Variants in SYCP1 observed in about 807,000 individuals in gnomAD.
SYCP1 encodes the protein synaptonemal complex protein 1, also known as cancer/testis antigen 8.
In SYCP1, 64 loss-of-function variants were observed where a neutral mutation model predicts 153.1. The observed-to-expected ratio is 0.42, with a 90% CI of 0.34 to 0.51. SYCP1 has a LOEUF of 0.51. Ranked by LOEUF, SYCP1 falls within the 20% of genes least tolerant of loss-of-function variation. The pLI is 0.06. For missense variants in SYCP1, 997 were observed against 1,049.0 expected (o/e 0.95, Z 0.68); for synonymous variants, 384 against 341.8 (o/e 1.12, Z -1.36).
chr1:114,919,983 T>C (rs1668761242), intron 20 of SYCP1, among the ~76,000 whole-genome samples: 1 of 152,070 alleles, frequency 6.6e-6, no homozygotes, highest in Non-Finnish European at 1.5e-5. Flanking sequence ...ATTGTTTTCT[T>C]TAATTTCATT....
chr1:114,949,452 G>A (rs1259236849), intron 27 of SYCP1, among the ~76,000 whole-genome samples: 2 of 152,176 alleles, frequency 1.3e-5, no homozygotes, highest in African/African-American at 4.8e-5. Context: ...ACTTCAAGGA[G>A]ATAAACAATT....
At chr1:114,991,022 A>C (rs1414934707) in intron 30 of SYCP1, among the ~76,000 whole-genome samples, 1 of 151,982 alleles carries the variant, frequency 6.6e-6, no homozygotes, top group Non-Finnish European at 1.5e-5. Context: ...CATACAGATA[A>C]TATTAGTAAT....
chr1:114,958,929 CAAAAA>C (rs202044089), intron 27 of SYCP1, among the ~76,000 whole-genome samples: 1 of 107,418 alleles, frequency 9.3e-6, no homozygotes. Context: ...GACTCCGTCT[CAAAAA>C]AAAAAAAAAA....
At chr1:114,855,217 G>T in intron 1 of SYCP1, 199 bp downstream of exon 1, 1 of 236,724 alleles carries the variant, frequency 4.2e-6, no homozygotes, top group East Asian at 8.9e-5. Flanking sequence ...TCAGGCCAGC[G>T]TGGCAGCGGG....
At chr1:114,945,783 A>G (rs937656868) in intron 25 of SYCP1, among the ~76,000 whole-genome samples, 2 of 111,708 alleles carry the variant, frequency 1.8e-5, no homozygotes, top group African/African-American at 2.7e-5. Context: ...TTTTGATGTA[A>G]TAATTTTTTT....
At chr1:114,936,477 C>T (rs1237890767) in intron 23 of SYCP1, among the ~76,000 whole-genome samples, 1 of 152,176 alleles carries the variant, frequency 6.6e-6, no homozygotes, top group African/African-American at 2.4e-5. Context: ...GAAGCATTCC[C>T]TTTGAAAACA....
rs776921532 is a variant in SYCP1, at chr1:114,911,522, C to T, written c.1469C>T (p.Thr490Ile). 9 of 1,561,008 alleles carry T rather than the reference C, an allele frequency of 5.8e-6. No homozygotes were observed. In the East Asian group the frequency reaches 1.2e-4, roughly 21 times the overall value. The change falls in exon 18 of 32, where the codon ACA becomes ATA. Residue 490 changes from threonine to isoleucine, a missense_variant. Coordinates refer to ENST00000369522, the MANE Select transcript of SYCP1 (RefSeq NM_003176.4). ...DLEIQLTAITTSEQYYSKEVK... is the reference protein window; with the variant it reads ...DLEIQLTAITISEQYYSKEVK... ...GAAATACAGTTAACTGCCATTACCA[C>T]AAGTGAACAGTATTATTCAAAAGAG...
At chr1:114,856,921 CAA>C (rs758650224) in intron 3 of SYCP1, among the ~76,000 whole-genome samples, 166 of 37,276 alleles carry the variant, frequency 4.5e-3, no homozygotes, top group African/African-American at 0.017. Flanking sequence ...CCTGTCTGTA[CAA>C]AAAAAAAAAA....
intron 16 of SYCP1, among the ~76,000 whole-genome samples, chr1:114,902,443 G>A (rs1667528245): frequency 6.6e-6 from 1 of 151,164 alleles, no homozygotes; most frequent in Non-Finnish European, 1.5e-5. Flanking sequence ...TTTATTGGGT[G>A]AAAAGGACAA....
intron 23 of SYCP1, among the ~76,000 whole-genome samples, chr1:114,933,956 G>T (rs918323258): frequency 6.6e-6 from 1 of 152,150 alleles, no homozygotes; most frequent in African/African-American, 2.4e-5. Context: ...GAAAGTGATG[G>T]GGAGAATGGA....
chr1:114,871,339 T>C (rs1379402005), intron 8 of SYCP1, among the ~76,000 whole-genome samples: 1 of 151,952 alleles, frequency 6.6e-6, no homozygotes, highest in Admixed American at 6.6e-5. Flanking sequence ...GGCTAATTTT[T>C]GTATTTTCAG....
Position 114,858,555 on chromosome 1 carries a change from G to A in SYCP1, c.300G>A (p.Glu100=), listed in dbSNP as rs746109960. The stretch of plus-strand genomic sequence containing the variant: ...AAAACATATTTTAATAGAATTCAGA[G>A]GGATTGAGCAGAGTGTATTCAAAAC... ...GLKDSDLENS[E]GLSRVYSKLY... Residue 100 remains glutamate, a synonymous_variant, in exon 6 of 32, where the codon GAG becomes GAA. Transcript: ENST00000369522. 1 of 1,573,194 alleles carries A rather than the reference G, an allele frequency of 6.4e-7. No individual in the cohort carries two copies. The highest frequency in any genetic ancestry group is 2.0e-5 in the Admixed American group (1 of 51,270).
chr1:114,857,167 G>GAAAAAAAAAAAAAAAAAGAAAAAAAAGA, intron 3 of SYCP1, 65 bp from the exon 4 acceptor site: 1 of 558,546 alleles, frequency 1.8e-6, no homozygotes, highest in Non-Finnish European at 2.6e-6. Flanking sequence ...AGAGAAAAAA[G>GAAAAAAAAAAAAAAAAAGAAAAAAAAGA]AAAAAAAAAA....
At chr1:114,994,415 A>C (rs182645930) in intron 30 of SYCP1, among the ~76,000 whole-genome samples, 35 of 151,600 alleles carry the variant, frequency 2.3e-4, no homozygotes, top group Non-Finnish European at 1.2e-4. Flanking sequence ...CTCGCTATAC[A>C]TGTCTTGTAT....
At chr1:114,917,528 C>T (rs975309330) in intron 20 of SYCP1, among the ~76,000 whole-genome samples, 7 of 151,954 alleles carry the variant, frequency 4.6e-5, no homozygotes, top group Non-Finnish European at 7.4e-5. Context: ...CTGGGTGATA[C>T]GGTAGCTCTA....
intron 8 of SYCP1, among the ~76,000 whole-genome samples, chr1:114,865,541 G>C (rs1051636766): frequency 1.3e-4 from 20 of 152,140 alleles, no homozygotes; most frequent in African/African-American, 4.6e-4. Context: ...TCTATTTCAT[G>C]TATGCTGTAC....
At chr1:114,946,510 C>T (rs1670718776) in intron 26 of SYCP1, 129 bp downstream of exon 26, 3 of 469,616 alleles carry the variant, frequency 6.4e-6, no homozygotes, top group Non-Finnish European at 7.7e-6. Flanking sequence ...TGAAAGGGAT[C>T]TTATAGATCT....
chr1:114,867,686 C>G (rs1177976429), intron 8 of SYCP1, among the ~76,000 whole-genome samples: 1 of 151,930 alleles, frequency 6.6e-6, no homozygotes, highest in Non-Finnish European at 1.5e-5. Context: ...TCTGTATAGA[C>G]AGTTATGTTA....
chr1:114,992,495 T>C (rs1445861191), intron 30 of SYCP1, among the ~76,000 whole-genome samples: 2 of 151,618 alleles, frequency 1.3e-5, no homozygotes, highest in African/African-American at 2.4e-5. Flanking sequence ...AACCCTCACA[T>C]ACATAGTCAG....
Sources: gnomAD v4.1 joint callset for allele counts (sites outside exome capture counted in the v4.1 genomes callset) on GRCh38, gnomAD v4.1.1 for gene constraint, MANE v1.5 for transcripts, NCBI Gene and HGNC (gene_info 2026-07-23, HGNC 2026-07-21) for gene names.